Variants in ZFPM2 observed in about 807,000 individuals in gnomAD.
ZFPM2 encodes the protein zinc finger protein, FOG family member 2, also known as zinc finger protein ZFPM2.
ZFPM2 carries 20 observed loss-of-function variants against 98.6 expected under a neutral mutation model. The ratio of observed to expected loss-of-function variants is 0.20; its 90% confidence interval spans 0.14 to 0.29. The LOEUF is 0.29. Among genes scored for constraint, ZFPM2 ranks in the 10% least tolerant of loss-of-function variants. ZFPM2 has a pLI of 1.00. For missense variants in ZFPM2, 1,310 were observed against 1,388.6 expected (o/e 0.94, Z 0.90); for synonymous variants, 518 against 502.7 (o/e 1.03, Z -0.41).
At chr8:105,472,129 A>G (rs1812916683) in intron 3 of ZFPM2, among the ~76,000 whole-genome samples, 1 of 152,202 alleles carries the variant, frequency 6.6e-6, no homozygotes, top group Admixed American at 6.5e-5. Context: ...TAGTTGGCAA[A>G]GCTTATGATA....
At chr8:105,538,297 C>T (rs545338891) in intron 3 of ZFPM2, among the ~76,000 whole-genome samples, 1 of 152,130 alleles carries the variant, frequency 6.6e-6, no homozygotes, top group Non-Finnish European at 1.5e-5. Flanking sequence ...GAAACTATAC[C>T]CCTAAGGTAC....
At chr8:105,322,217 G>A (rs1347269830) in intron 1 of ZFPM2, among the ~76,000 whole-genome samples, 1 of 151,980 alleles carries the variant, frequency 6.6e-6, no homozygotes, top group African/African-American at 2.4e-5. Context: ...CCAATAAATT[G>A]CCCAGATTGT....
At chr8:105,330,597 TATATATATATATACAC>T (rs1812205909) in intron 1 of ZFPM2, among the ~76,000 whole-genome samples, 1 of 71,440 alleles carries the variant, frequency 1.4e-5, no homozygotes, top group Non-Finnish European at 2.8e-5. Context: ...TATATATACA[TATATATATATATACAC>T]ATATATATAT....
At chr8:105,635,712 C>A (rs1452307624) in intron 5 of ZFPM2, among the ~76,000 whole-genome samples, 1 of 152,174 alleles carries the variant, frequency 6.6e-6, no homozygotes, top group Non-Finnish European at 1.5e-5. Context: ...TGTAGGACCA[C>A]TTGTTGGGGA....
rs1263678094 is a variant in ZFPM2 at position 105,800,910 on chromosome 8, C to CAGTT, written c.965-135_965-132dup. On this transcript the variant is annotated intron_variant, in intron 7 of 7. Transcript: ENST00000407775. ...CACAGTAAGAGATGTCACAAGAAAA[C>CAGTT]AGTTAATATCACGAATGAAATTTTG... The CAGTT allele has an allele frequency of 1.4e-5, 11 of 775,206 alleles. No homozygotes were observed. The African/African-American group carries it at 1.7e-4, about 12-fold the overall frequency. The allele number at this position is 775,206 out of a possible 1,614,324, so 48.0% of individuals were successfully genotyped here.
chr8:105,715,065 A>G (rs1211044026), intron 5 of ZFPM2, among the ~76,000 whole-genome samples: 3 of 152,002 alleles, frequency 2.0e-5, no homozygotes. Flanking sequence ...TTGTAACTAT[A>G]CTTGTTTCTC....
chr8:105,768,586 T>A (rs1325049156), intron 5 of ZFPM2, among the ~76,000 whole-genome samples: 1 of 152,010 alleles, frequency 6.6e-6, no homozygotes, highest in African/African-American at 2.4e-5. Context: ...TTCTGTTATA[T>A]TCAGCTAATT....
intron 1 of ZFPM2, among the ~76,000 whole-genome samples, chr8:105,355,169 T>C (rs954961755): frequency 6.6e-6 from 1 of 152,228 alleles, no homozygotes; most frequent in African/African-American, 2.4e-5. Flanking sequence ...ATTAACAGTT[T>C]GTTGCATTCC....
At chr8:105,515,280 T>G (rs117824789) in intron 3 of ZFPM2, among the ~76,000 whole-genome samples, 459 of 152,364 alleles carry the variant, frequency 3.0e-3, no homozygotes, top group South Asian at 7.9e-3. Context: ...TTACTGGAAA[T>G]GCTTAATACT....
At chr8:105,648,490 C>T (rs1298183568) in intron 5 of ZFPM2, among the ~76,000 whole-genome samples, 1 of 152,118 alleles carries the variant, frequency 6.6e-6, no homozygotes, top group African/African-American at 2.4e-5. Context: ...AGGTTTTCTT[C>T]TAGGTTTTTT....
intron 5 of ZFPM2, among the ~76,000 whole-genome samples, chr8:105,682,294 G>A (rs902886325): frequency 1.3e-5 from 2 of 152,124 alleles, no homozygotes; most frequent in African/African-American, 4.8e-5. Context: ...TCATTCTCGT[G>A]TCATTTGAGC....
At chr8:105,435,759 A>C (rs912810537) in intron 2 of ZFPM2, among the ~76,000 whole-genome samples, 1 of 152,096 alleles carries the variant, frequency 6.6e-6, no homozygotes, top group Non-Finnish European at 1.5e-5. Flanking sequence ...TAACTTTTTC[A>C]TGAGAATATA....
chr8:105,780,504 C>T (rs777762116), intron 5 of ZFPM2: 6 of 152,208 alleles, frequency 3.9e-5, no homozygotes, highest in South Asian at 2.1e-4. Context: ...GACGCTCAGT[C>T]GTTACATCAT....
At chr8:105,417,593 T>A (rs879394095) in intron 1 of ZFPM2, among the ~76,000 whole-genome samples, 1 of 152,188 alleles carries the variant, frequency 6.6e-6, no homozygotes, top group African/African-American at 2.4e-5. Flanking sequence ...GGTTTAAGGA[T>A]TGTAATATTT....
At chr8:105,497,391 A>G (rs2130455967) in intron 3 of ZFPM2, among the ~76,000 whole-genome samples, 1 of 152,350 alleles carries the variant, frequency 6.6e-6, no homozygotes, top group Non-Finnish European at 1.5e-5. Flanking sequence ...AACAAATGCA[A>G]GAACAAAAAC....
Position 105,803,260 on chromosome 8 carries a change from C to G in ZFPM2, c.3178C>G (p.Gln1060Glu), listed in dbSNP as rs201190084. 14 of 1,600,846 alleles carry G rather than the reference C, an allele frequency of 8.7e-6. No individual in the cohort carries two copies. Among genetic ancestry groups the G allele is most frequent in the Non-Finnish European group, 1.2e-5 (14 of 1,172,868 alleles). ...QDERPAANPQ[Q>E]ENISQNPQHE... ...TGAGAGACCTGCTGCCAACCCACAG[C>G]AAGAGAACATTTCCCAGAATCCTCA... Residue 1060 changes from glutamine (Q) to glutamate (E), a missense_variant, in exon 8 of 8, where the codon CAA (glutamine) becomes GAA (glutamate). Coordinates refer to ENST00000407775, the MANE Select transcript of ZFPM2 (RefSeq NM_012082.4).
chr8:105,339,595 G>A (rs1036524871), intron 1 of ZFPM2, among the ~76,000 whole-genome samples: 2 of 151,802 alleles, frequency 1.3e-5, no homozygotes, highest in African/African-American at 2.4e-5. Flanking sequence ...CATTGGACCC[G>A]GATTGTGTGT....
In ZFPM2 at chr8:105,466,843, T is replaced by A. The variant is rs1434215691; in HGVS notation, c.301+22462T>A. 2.6e-5 allele frequency among the ~76,000 whole-genome samples: 4 copies of A among 152,018 alleles called. No homozygotes were observed. In the East Asian group the frequency reaches 5.8e-4, roughly 22 times the overall value. On this transcript the variant is annotated intron_variant, in intron 3 of 7. Coordinates refer to ENST00000407775, the MANE Select transcript of ZFPM2 (RefSeq NM_012082.4). ...AGGCATCTCATGGCTATTGATGAGT[T>A]CAGGACCAAACAAAAATTCTGATAT...
At chr8:105,325,392 C>T (rs1812096197) in intron 1 of ZFPM2, among the ~76,000 whole-genome samples, 1 of 151,816 alleles carries the variant, frequency 6.6e-6, no homozygotes, top group South Asian at 2.1e-4. Flanking sequence ...CTCCTAGTAT[C>T]TCTGCCACAG....
Sources: allele counts gnomAD v4.1 joint callset (sites outside exome capture counted in the v4.1 genomes callset), GRCh38; gene constraint gnomAD v4.1.1; transcripts MANE v1.5; gene names NCBI Gene and HGNC (gene_info 2026-07-23, HGNC 2026-07-21).